Variants in SAXO4 observed in about 807,000 individuals in gnomAD.
SAXO4 encodes the protein stabilizer of axonemal microtubules 4.
chr11:61,484,814 C>T, the SAXO4 span: 68 of 1,584,566 alleles, frequency 4.3e-5, no homozygotes, highest in Admixed American at 7.5e-4. Flanking sequence ...GAACTTCCGA[C>T]ATGTGAGTGG....
At chr11:61,484,558 C>A in the SAXO4 span, 1 of 1,172,458 alleles carries the variant, frequency 8.5e-7, no homozygotes, top group Non-Finnish European at 1.2e-6. Context: ...AGGGGACATG[C>A]AGGTTTCATT....
the SAXO4 span, among the ~76,000 whole-genome samples, chr11:61,483,761 C>A: frequency 6.6e-6 from 1 of 150,616 alleles, no homozygotes; most frequent in African/African-American, 2.4e-5. Context: ...AGTTTGAGAC[C>A]AGTCTGGCCA....
At chr11:61,489,939 G>C in the SAXO4 span, 3 of 1,609,402 alleles carry the variant, frequency 1.9e-6, no homozygotes, top group South Asian at 2.2e-5. Context: ...GCATCCCCAC[G>C]TGGGAAGGTG....
the SAXO4 span, chr11:61,484,811 C>T: frequency 3.8e-5 from 60 of 1,588,302 alleles, no homozygotes; most frequent in Middle Eastern, 1.9e-4. Context: ...GGAGAACTTC[C>T]GACATGTGAG....
chr11:61,488,204 C>T, the SAXO4 span, among the ~76,000 whole-genome samples: 1 of 151,122 alleles, frequency 6.6e-6, no homozygotes, highest in African/African-American at 2.4e-5. Context: ...CCCGGCTGGT[C>T]TTGAACTCCT....
At chr11:61,483,164 CTTTTTTTT>C in the SAXO4 span, among the ~76,000 whole-genome samples, 3 of 119,358 alleles carry the variant, frequency 2.5e-5, no homozygotes, top group East Asian at 2.5e-4. Context: ...ATTTCTTTTT[CTTTTTTTT>C]TTTTTTTTTT....
chr11:61,482,340 A>C, the SAXO4 span: 1 of 1,614,154 alleles, frequency 6.2e-7, no homozygotes, highest in South Asian at 1.1e-5. Flanking sequence ...CCGTGTGGGC[A>C]GTCACGTAGG....
the SAXO4 span, chr11:61,490,049 C>G: frequency 8.6e-7 from 1 of 1,167,554 alleles, no homozygotes; most frequent in Non-Finnish European, 1.2e-6. Flanking sequence ...CGGTTCATTC[C>G]TATGAGAGGC....
chr11:61,485,892 A>G, the SAXO4 span: 21 of 1,613,562 alleles, frequency 1.3e-5, no homozygotes, highest in Non-Finnish European at 1.7e-5. Context: ...CCGCCCTCAC[A>G]GGCCCTCCCT....
the SAXO4 span, among the ~76,000 whole-genome samples, chr11:61,485,089 C>A: frequency 3.9e-5 from 6 of 152,218 alleles, no homozygotes; most frequent in South Asian, 1.2e-3. Context: ...CCTCTGGGCC[C>A]CCCACTCATT....
chr11:61,487,276 T>C, the SAXO4 span: 2 of 1,545,914 alleles, frequency 1.3e-6, no homozygotes, highest in African/African-American at 1.4e-5. Context: ...CTGAAACCCA[T>C]TTGAGAAACA....
the SAXO4 span, chr11:61,482,722 G>C: frequency 1.2e-6 from 2 of 1,613,900 alleles, no homozygotes; most frequent in Non-Finnish European, 1.7e-6. Flanking sequence ...GGTGCCTGAC[G>C]GCAAGCATCC....
At chr11:61,489,725 G>A in the SAXO4 span, 1 of 1,574,088 alleles carries the variant, frequency 6.4e-7, no homozygotes, top group Non-Finnish European at 8.7e-7. Flanking sequence ...AGGGCAGCAG[G>A]GGTTGCAGAG....
the SAXO4 span, chr11:61,490,690 A>C: frequency 9.8e-7 from 1 of 1,016,078 alleles, no homozygotes; most frequent in Non-Finnish European, 1.5e-6. Context: ...CTGCCTGGGG[A>C]CCCCCCTTCC....
At chr11:61,489,939 G>A in the SAXO4 span, 26 of 1,609,402 alleles carry the variant, frequency 1.6e-5, 1 homozygote, top group Middle Eastern at 1.7e-4. Flanking sequence ...GCATCCCCAC[G>A]TGGGAAGGTG....
the SAXO4 span, chr11:61,486,261 G>A: frequency 7.0e-7 from 1 of 1,430,248 alleles, no homozygotes. Context: ...GCACAGCAGT[G>A]GCCTGGAGGC....
chr11:61,490,779 C>T, the SAXO4 span: 1 of 601,344 alleles, frequency 1.7e-6, no homozygotes, highest in Middle Eastern at 4.5e-4. Context: ...CCCAGAGCCC[C>T]TTGCTCAGGC....
At chr11:61,485,871 T>C in the SAXO4 span, 8 of 1,613,966 alleles carry the variant, frequency 5.0e-6, no homozygotes, top group Non-Finnish European at 6.8e-6. Flanking sequence ...CAGAGCCCCA[T>C]TGTCTTCCAA....
chr11:61,486,759 C>T, the SAXO4 span: 1 of 885,604 alleles, frequency 1.1e-6, no homozygotes, highest in Non-Finnish European at 1.8e-6. Context: ...GTGAAGAGAG[C>T]CTGGGCCTTC....
Sources: gnomAD v4.1 joint callset for allele counts (sites outside exome capture counted in the v4.1 genomes callset) on GRCh38, gnomAD v4.1.1 for gene constraint, MANE v1.5 for transcripts, NCBI Gene and HGNC (gene_info 2026-07-23, HGNC 2026-07-21) for gene names.